The following DIAPH3 variants were observed in gnomAD, a reference collection of about 807,000 sequenced individuals.
The protein encoded by DIAPH3 is diaphanous related formin 3.
Under a neutral mutation model 144.3 loss-of-function variants are expected in DIAPH3, and 117 were observed. The observed-to-expected ratio is 0.81, with a 90% CI of 0.70 to 0.95. The LOEUF (loss-of-function observed/expected upper bound fraction) is 0.95, where lower values mean the gene tolerates loss of function less well. Ranked by LOEUF, DIAPH3 falls within the 40% of genes least tolerant of loss-of-function variation. The pLI is 0.00. For synonymous variants in DIAPH3, 519 were observed against 488.9 expected, an observed-to-expected ratio of 1.06 and a Z score of -0.81; for missense variants, 1,421 against 1,412.7, an observed-to-expected ratio of 1.01 and a Z score of -0.09.
chr13:59,816,818 C>T (rs1370197253), intron 24 of DIAPH3, among the ~76,000 whole-genome samples: 1 of 151,686 alleles, frequency 6.6e-6, no homozygotes, highest in African/African-American at 2.4e-5. Flanking sequence ...ATATCCATAA[C>T]CTTAAATATT....
intron 27 of DIAPH3, among the ~76,000 whole-genome samples, chr13:59,733,640 G>GAT (rs749434627): frequency 2.0e-5 from 3 of 152,132 alleles, no homozygotes; most frequent in South Asian, 2.1e-4. Flanking sequence ...TTAGGTTTCT[G>GAT]ATATATATTT....
intron 12 of DIAPH3, among the ~76,000 whole-genome samples, chr13:59,990,018 A>G (rs1191581244): frequency 6.6e-6 from 1 of 151,984 alleles, no homozygotes; most frequent in Non-Finnish European, 1.5e-5. Flanking sequence ...ATATAGTATC[A>G]TAAACAGCAT....
At chr13:60,080,119 A>G (rs2137798126) in intron 4 of DIAPH3, among the ~76,000 whole-genome samples, 1 of 152,102 alleles carries the variant, frequency 6.6e-6, no homozygotes, top group East Asian at 1.9e-4. Context: ...ATTATAAAAT[A>G]TTGAAGAACA....
intron 20 of DIAPH3, among the ~76,000 whole-genome samples, chr13:59,886,692 C>T (rs2045473152): frequency 6.6e-6 from 1 of 151,578 alleles, no homozygotes; most frequent in African/African-American, 2.4e-5. Context: ...GAAATGTATC[C>T]CAAAGTATTT....
At chr13:59,870,665 GT>G (rs35207685) in intron 21 of DIAPH3, among the ~76,000 whole-genome samples, 4,014 of 139,208 alleles carry the variant, frequency 0.029, 73 homozygotes, top group Non-Finnish European at 0.044. Context: ...TTTTGTAGGT[GT>G]TTTTTTTTTT....
chr13:59,924,909 T>C (rs2047683816), intron 17 of DIAPH3, 39 bp from the exon 18 acceptor site: 1 of 1,580,310 alleles, frequency 6.3e-7, no homozygotes, highest in African/African-American at 1.3e-5. Flanking sequence ...GGGCAGCAAT[T>C]CATTCAAATA....
chr13:59,967,908 G>T (rs1373121057), intron 17 of DIAPH3, among the ~76,000 whole-genome samples: 1 of 151,662 alleles, frequency 6.6e-6, no homozygotes. Flanking sequence ...TACTGTCACA[G>T]AAAAAAAAGA....
At chr13:59,755,237 T>C (rs941787646) in intron 27 of DIAPH3, among the ~76,000 whole-genome samples, 1 of 152,134 alleles carries the variant, frequency 6.6e-6, no homozygotes, top group Non-Finnish European at 1.5e-5. Context: ...TAAATGTTCA[T>C]TGATAATGAA....
chr13:60,149,245 T>C (rs1951671579), intron 1 of DIAPH3, among the ~76,000 whole-genome samples: 1 of 152,172 alleles, frequency 6.6e-6, no homozygotes, highest in Non-Finnish European at 1.5e-5. Flanking sequence ...GGAAAATATA[T>C]TCCTTGTGTG....
At chr13:60,157,070 G>A (rs1447814602) in intron 1 of DIAPH3, among the ~76,000 whole-genome samples, 2 of 150,784 alleles carry the variant, frequency 1.3e-5, no homozygotes, top group Non-Finnish European at 3.0e-5. Flanking sequence ...TCAGCCTCCG[G>A]AGTAGGTGGG....
chr13:60,099,972 G>A (rs994394691), intron 3 of DIAPH3, among the ~76,000 whole-genome samples: 1 of 146,838 alleles, frequency 6.8e-6, no homozygotes, highest in African/African-American at 2.6e-5. Flanking sequence ...AGGAAGGAAG[G>A]AAAGTCAAAA....
At chr13:60,002,781 G>T (rs1381406981) in intron 9 of DIAPH3, among the ~76,000 whole-genome samples, 1 of 152,078 alleles carries the variant, frequency 6.6e-6, no homozygotes, top group African/African-American at 2.4e-5. Context: ...CCCATGTTTT[G>T]GTTCCCTTCC....
chr13:59,709,633 T>G (rs974190947), intron 27 of DIAPH3, among the ~76,000 whole-genome samples: 9 of 152,194 alleles, frequency 5.9e-5, no homozygotes, highest in African/African-American at 2.2e-4. Context: ...AGGAACACTT[T>G]TACACTGTTA....
chr13:59,858,387 C>T (rs1328606033), intron 22 of DIAPH3, among the ~76,000 whole-genome samples: 2 of 152,064 alleles, frequency 1.3e-5, no homozygotes, highest in East Asian at 1.9e-4. Context: ...AAGACAAGAG[C>T]ACAGTTTCTG....
At chr13:59,702,906 C>G (rs557679159) in intron 27 of DIAPH3, among the ~76,000 whole-genome samples, 32 of 152,268 alleles carry the variant, frequency 2.1e-4, no homozygotes, top group Admixed American at 3.9e-4. Flanking sequence ...TCATTCACTT[C>G]CTCATCTCCT....
In DIAPH3 at chr13:59,911,875, G is replaced by A. The variant is rs775411641; in HGVS notation, c.2266-39C>T. ...CCAGAAAGAAAGATCTTCACTAAAT[G>A]TACTTCTTGAATTTTAAAAATATAA... On this transcript the variant is annotated intron_variant, in intron 19 of 27. Coordinates refer to ENST00000400324, the MANE Select transcript of DIAPH3 (RefSeq NM_001042517.2). The A allele has an allele frequency of 4.9e-5, 67 of 1,363,226 alleles. No homozygotes were observed. The Admixed American group carries it at 7.4e-4, about 15-fold the overall frequency. The allele number at this position is 1,363,226 out of a possible 1,614,324, so 84.4% of individuals were successfully genotyped here. A position where few individuals can be genotyped will look rare whatever the true frequency, so the allele number is the denominator to read the frequency against.
At position 59,783,548 on chromosome 13, in the gene DIAPH3, G is replaced by C. The variant is rs551368934; in HGVS notation, c.3164-8725C>G. Among the ~76,000 whole-genome samples the C allele has an allele frequency of 2.6e-5, 4 of 152,294 alleles. No individual in the cohort carries two copies. In the South Asian group the frequency reaches 8.3e-4, roughly 32 times the overall value. ...CAACTTAGAAGCATAGGTCGTACCT[G>C]AAACTATGGAAAAGAGTACAAGCAT... On this transcript the variant is annotated intron_variant, in intron 25 of 27. Coordinates refer to ENST00000400324, the MANE Select transcript of DIAPH3 (RefSeq NM_001042517.2).
At chr13:59,821,183 G>A (rs561570098) in intron 24 of DIAPH3, among the ~76,000 whole-genome samples, 1 of 152,090 alleles carries the variant, frequency 6.6e-6, no homozygotes, top group South Asian at 2.1e-4. Flanking sequence ...AATGAGATTA[G>A]ATTAGACAAA....
At chr13:59,686,642 T>C (rs948019398) in intron 27 of DIAPH3, among the ~76,000 whole-genome samples, 2 of 152,140 alleles carry the variant, frequency 1.3e-5, no homozygotes, top group Admixed American at 1.3e-4. Flanking sequence ...ACATTTACTT[T>C]GTTGTAGCAA....
Sources: gnomAD v4.1 joint callset for allele counts (sites outside exome capture counted in the v4.1 genomes callset) on GRCh38, gnomAD v4.1.1 for gene constraint, MANE v1.5 for transcripts, NCBI Gene and HGNC (gene_info 2026-07-23, HGNC 2026-07-21) for gene names.